DPP4: variants seen among roughly 807,000 people sequenced by gnomAD.
The protein encoded by DPP4 is ADCP-2.
DPP4 carries 93 observed loss-of-function variants against 122.4 expected under a neutral mutation model. The ratio of observed to expected loss-of-function variants is 0.76; its 90% CI spans 0.64 to 0.90. DPP4 has a LOEUF of 0.90. DPP4 is among the 40% of genes least tolerant of loss of function. The probability of loss-of-function intolerance (pLI) is 0.00; values close to 1 mark genes in which losing one functional copy is unlikely to be tolerated. For missense variants in DPP4, 914 were observed against 907.3 expected (o/e 1.01, Z -0.09); for synonymous variants, 321 against 302.9 (o/e 1.06, Z -0.62).
intron 10 of DPP4, among the ~76,000 whole-genome samples, chr2:162,027,348 CAA>C (rs3216641): frequency 2.1e-4 from 24 of 111,638 alleles, no homozygotes; most frequent in Admixed American, 2.9e-4. Context: ...GACTCGGTCT[CAA>C]AAAAAAAAAA....
At position 161,993,202 on chromosome 2, in the gene DPP4, T is replaced by G. The variant is rs201341836; in HGVS notation, c.*81A>C. The stretch of plus-strand genomic sequence containing the variant: ...TGAGTGTGTATTTTAAAGATCATCA[T>G]CATCTTGACAGTGCAGTTTTGAGAT... On this transcript the variant is annotated 3_prime_UTR_variant, in exon 26 of 26. Coordinates refer to ENST00000360534, the MANE Select transcript of DPP4 (RefSeq NM_001935.4). 7.1e-4 allele frequency: 775 copies of G among 1,089,284 alleles called. 13 individuals are homozygous for G. In the South Asian group the frequency reaches 9.4e-3, roughly 13 times the overall value. The allele number at this position is 1,089,284 out of a possible 1,614,324, so 67.5% of individuals were successfully genotyped here. A position where few individuals can be genotyped will look rare whatever the true frequency, so the allele number is the denominator to read the frequency against.
intron 16 of DPP4, 124 bp from the exon 17 acceptor site, chr2:162,017,279 T>A (rs1404009398): frequency 1.3e-6 from 1 of 786,848 alleles, no homozygotes; most frequent in African/African-American, 1.8e-5. Flanking sequence ...AATATTATAA[T>A]GCATAAGAAG....
chr2:162,034,490 G>A (rs1683693327), intron 9 of DPP4, among the ~76,000 whole-genome samples: 3 of 151,890 alleles, frequency 2.0e-5, no homozygotes, highest in Non-Finnish European at 4.4e-5. Flanking sequence ...ATTTCTTACA[G>A]AAAAAACACT....
rs779860764 is a variant in DPP4 at position 162,011,785 on chromosome 2, T to G, written c.1832+8A>C. The G allele has an allele frequency of 1.2e-6, 2 of 1,612,540 alleles. No homozygotes were observed. Among genetic ancestry groups the G allele is most frequent in the Admixed American group, 3.3e-5 (2 of 59,904 alleles). On this transcript the variant is annotated splice_region_variant and intron_variant, in intron 20 of 25. Coordinates refer to ENST00000360534, the MANE Select transcript of DPP4 (RefSeq NM_001935.4). ...GATGACCTTTGACTTCATCTCCTAGTCACTCACCTGGCTGCTTCAATTTGA... is the reference window on the plus strand; with the variant it reads ...GATGACCTTTGACTTCATCTCCTAGGCACTCACCTGGCTGCTTCAATTTGA...
chr2:162,068,879 T>C (rs1019654882), intron 2 of DPP4, among the ~76,000 whole-genome samples: 4 of 152,066 alleles, frequency 2.6e-5, no homozygotes, highest in Non-Finnish European at 4.4e-5. Flanking sequence ...ATAATATAAT[T>C]CCCACATGGT....
chr2:162,046,616 C>T (rs1684181870), intron 4 of DPP4: 1 of 487,096 alleles, frequency 2.1e-6, no homozygotes, highest in South Asian at 1.6e-5. Context: ...GGCAGTAATG[C>T]TGTGGGGTTG....
chr2:162,023,567 T>C (rs1425846487), intron 11 of DPP4, among the ~76,000 whole-genome samples: 1 of 152,204 alleles, frequency 6.6e-6, no homozygotes, highest in Non-Finnish European at 1.5e-5. Flanking sequence ...TCTGTCCTTA[T>C]CTGCTCAGCA....
intron 23 of DPP4, 53 bp from the exon 24 acceptor site, chr2:161,995,425 G>A (rs1005189797): frequency 2.7e-6 from 4 of 1,500,664 alleles, no homozygotes; most frequent in Non-Finnish European, 2.8e-6. Context: ...GCCATAAACT[G>A]ATTTTTCACT....
intron 10 of DPP4, among the ~76,000 whole-genome samples, chr2:162,028,923 T>G (rs1683444826): frequency 6.6e-6 from 1 of 152,214 alleles, no homozygotes; most frequent in African/African-American, 2.4e-5. Flanking sequence ...TGGCTTCAGA[T>G]TCCCAGTTCA....
At chr2:162,013,009 A>G (rs1007222714) in intron 19 of DPP4, among the ~76,000 whole-genome samples, 7 of 152,114 alleles carry the variant, frequency 4.6e-5, no homozygotes, top group African/African-American at 1.4e-4. Context: ...GAGCTAGCAA[A>G]TATTTTTTCA....
At position 162,035,169 on chromosome 2, in the gene DPP4, G is replaced by T. The variant is rs1369119353; in HGVS notation, c.769C>A (p.Pro257Thr). The change falls in exon 9 of 26, where the codon CCA (proline) becomes ACA (threonine). Residue 257 changes from proline to threonine, a missense_variant. Transcript: ENST00000360534. ...GTACAAACAGGAGCACAGACCTTTGGATATGGAACCCGTACAGTCTTTGGG... is the reference window on the plus strand; with the variant it reads ...GTACAAACAGGAGCACAGACCTTTGTATATGGAACCCGTACAGTCTTTGGG... ...QYPKTVRVPY[P>T]KAGAVNPTVK... The T allele has an allele frequency of 6.2e-7, 1 of 1,612,700 alleles. No homozygotes were observed. The highest frequency in any genetic ancestry group is 1.1e-5 in the South Asian group (1 of 90,748).
rs201879190 is a variant in DPP4, at chr2:162,038,972, A to C, written c.469T>G (p.Trp157Gly). 1.2e-6 allele frequency: 2 copies of C among 1,613,492 alleles called. No individual in the cohort carries two copies. Among genetic ancestry groups the C allele is most frequent in the Middle Eastern group, 1.7e-4 (1 of 6,060 alleles). The change falls in exon 7 of 26, where the codon TGG (tryptophan) becomes GGG (glycine). Residue 157 changes from tryptophan to glycine, a missense_variant. By Grantham distance (184) the Trp-to-Gly change is radical (BLOSUM62 -2). Coordinates refer to ENST00000360534, the MANE Select transcript of DPP4 (RefSeq NM_001935.4). ...ACCAATTTATGACCCACTGGTGACC[A>C]TGTGACCCACTGTGTGTTGTTTGGA... Reference protein sequence around the residue: ...RIPNNTQWVTWSPVGHKLAYV... With the variant: ...RIPNNTQWVTGSPVGHKLAYV...
intron 8 of DPP4, among the ~76,000 whole-genome samples, chr2:162,035,712 A>G (rs528597843): frequency 3.3e-5 from 5 of 152,050 alleles, no homozygotes; most frequent in Non-Finnish European, 7.4e-5. Context: ...ACTCTCCCCA[A>G]CTGGGCTCAG....
intron 2 of DPP4, among the ~76,000 whole-genome samples, chr2:162,071,696 C>T (rs952736492): frequency 4.6e-5 from 7 of 152,164 alleles, no homozygotes; most frequent in African/African-American, 7.2e-5. Context: ...AGGAAGTCCT[C>T]CTCAAGAGAA....
chr2:162,064,747 A>T (rs1034673641), intron 2 of DPP4, among the ~76,000 whole-genome samples: 6 of 152,162 alleles, frequency 3.9e-5, no homozygotes, highest in African/African-American at 1.4e-4. Context: ...TCTCCTCTTG[A>T]TCACTTTGGA....
intron 2 of DPP4, among the ~76,000 whole-genome samples, chr2:162,064,061 T>G (rs1684872681): frequency 6.6e-6 from 1 of 152,190 alleles, no homozygotes; most frequent in Non-Finnish European, 1.5e-5. Context: ...GTGAATGCAC[T>G]GATGAGCCGG....
In DPP4 at chr2:162,018,806, T is replaced by G; in HGVS notation, c.1343A>C (p.Glu448Ala). ...DYTKVTCLSC[E>A]LNPERCQYYS... ...GTACTGACACCTTTCCGGATTCAGCTCACAACTGAGGCATGTCACTTTTGT... is the reference window on the plus strand; with the variant it reads ...GTACTGACACCTTTCCGGATTCAGCGCACAACTGAGGCATGTCACTTTTGT... The change falls in exon 16 of 26, where the codon GAG becomes GCG. Residue 448 changes from glutamate (E) to alanine (A), a missense_variant. Transcript: ENST00000360534. 1.2e-6 allele frequency: 2 copies of G among 1,614,160 alleles called. No individual in the cohort carries two copies. The highest frequency in any genetic ancestry group is 1.7e-6 in the Non-Finnish European group (2 of 1,180,034).
At chr2:162,073,525 G>A (rs763465846) in intron 1 of DPP4, 39 bp from the exon 2 acceptor site, 4 of 1,598,542 alleles carry the variant, frequency 2.5e-6, no homozygotes, top group East Asian at 2.2e-5. Context: ...AGAGGGAAGC[G>A]TGTGGCCCCA....
At chr2:162,059,569 A>G (rs1373550338) in intron 2 of DPP4, among the ~76,000 whole-genome samples, 1 of 152,250 alleles carries the variant, frequency 6.6e-6, no homozygotes, top group Non-Finnish European at 1.5e-5. Flanking sequence ...AAGAAAGATC[A>G]GCTCATGTTT....
Sources: gnomAD v4.1 joint callset for allele counts (sites outside exome capture counted in the v4.1 genomes callset) on GRCh38, gnomAD v4.1.1 for gene constraint, MANE v1.5 for transcripts, NCBI Gene and HGNC (gene_info 2026-07-23, HGNC 2026-07-21) for gene names.